The following LECT2 variants were observed in gnomAD, a reference collection of about 807,000 sequenced individuals.
LECT2 encodes the protein leukocyte cell-derived chemotaxin-2.
Under a neutral mutation model 16.6 loss-of-function variants are expected in LECT2, and 11 were observed. The ratio of observed to expected loss-of-function variants is 0.66; its 90% CI spans 0.42 to 1.09. LECT2 has a LOEUF of 1.09. LECT2 is among the 50% of genes least tolerant of loss of function. LECT2 has a pLI of 0.00. For missense variants in LECT2, 173 were observed against 184.2 expected, an observed-to-expected ratio of 0.94 and a Z score of 0.35; for synonymous variants, 54 against 64.8, an observed-to-expected ratio of 0.83 and a Z score of 0.80.
intron 3 of LECT2, among the ~76,000 whole-genome samples, chr5:135,948,256 T>C (rs1265104772): frequency 2.6e-5 from 4 of 152,188 alleles, no homozygotes; most frequent in Admixed American, 2.6e-4. Flanking sequence ...GTTACAACTA[T>C]CCATGCACTA....
At chr5:135,950,763 G>T (rs73290933) in intron 3 of LECT2, 1,780 of 169,642 alleles carry the variant, frequency 0.01, 37 homozygotes, top group African/African-American at 0.039. Flanking sequence ...GGTTAGCATT[G>T]CTGAAAGTGG....
At chr5:135,954,343 A>G (rs558781103) in intron 1 of LECT2, among the ~76,000 whole-genome samples, 1 of 152,240 alleles carries the variant, frequency 6.6e-6, no homozygotes, top group Non-Finnish European at 1.5e-5. Context: ...TGAGGCAAAT[A>G]TCAGACAGTG....
At chr5:135,949,818 C>T (rs1032498984) in intron 3 of LECT2, among the ~76,000 whole-genome samples, 21 of 152,190 alleles carry the variant, frequency 1.4e-4, no homozygotes, top group African/African-American at 4.6e-4. Flanking sequence ...GGAGCATTTC[C>T]ATTCATACAA....
chr5:135,954,813 G>A lies in LECT2; in HGVS notation c.21C>T (p.Leu7=). Residue 7 remains leucine, a synonymous_variant, in exon 1 of 4, where the codon CTC becomes CTT. Coordinates refer to ENST00000274507, the MANE Select transcript of LECT2 (RefSeq NM_002302.3). The part of the protein sequence containing the change: MFSTKA[L]LLAGLISTAL... ...CGGTAGAAATCAGACCAGCCAAAAGGAGGGCTTTGGTGGAAAACATCTGGT... is the reference window on the plus strand; with the variant it reads ...CGGTAGAAATCAGACCAGCCAAAAGAAGGGCTTTGGTGGAAAACATCTGGT... 11 of 1,613,242 alleles carry A rather than the reference G, an allele frequency of 6.8e-6. No individual in the cohort carries two copies. The highest frequency in any genetic ancestry group is 9.3e-6 in the Non-Finnish European group (11 of 1,179,298).
chr5:135,953,602 T>G (rs1185893399), intron 1 of LECT2, among the ~76,000 whole-genome samples: 1 of 152,232 alleles, frequency 6.6e-6, no homozygotes, highest in African/African-American at 2.4e-5. Context: ...TTGCTCATTA[T>G]CTGCCATGGG....
At position 135,952,924 on chromosome 5, in the gene LECT2, G is replaced by A. The variant is rs750166621; in HGVS notation, c.90C>T (p.Ser30=). The change falls in exon 2 of 4, where the codon TCC becomes TCT. Residue 30 remains serine, a synonymous_variant. Transcript: ENST00000274507. ...PWANICAGKS[S]NEIRTCDRHG... Reference sequence around the variant, plus strand: ...GGCGGTCACACGTCCGGATCTCATTGGAAGACTTGCCAGCACATATATTAG... The same window carrying A: ...GGCGGTCACACGTCCGGATCTCATTAGAAGACTTGCCAGCACATATATTAG... 1.2e-6 allele frequency: 2 copies of A among 1,614,100 alleles called. No homozygotes were observed. Among genetic ancestry groups the A allele is most frequent in the South Asian group, 2.2e-5 (2 of 91,078 alleles).
chr5:135,947,571 G>T, intron 3 of LECT2, 74 bp from the exon 4 acceptor site: 1 of 1,350,916 alleles, frequency 7.4e-7, no homozygotes, highest in Non-Finnish European at 9.7e-7. Flanking sequence ...AATAACAAAT[G>T]GACAAAAAAT....
At chr5:135,952,995 C>A in intron 1 of LECT2, 28 bp from the exon 2 acceptor site, 4 of 1,488,874 alleles carry the variant, frequency 2.7e-6, no homozygotes, top group Non-Finnish European at 3.8e-6. Flanking sequence ...GAGAGCAGAG[C>A]TCCTGGCCTC....
chr5:135,953,262 C>T (rs1243240468), intron 1 of LECT2: 4 of 287,702 alleles, frequency 1.4e-5, no homozygotes, highest in South Asian at 3.9e-5. Flanking sequence ...AGCACAGTGG[C>T]GTGATCTCAG....
chr5:135,948,761 G>A (rs1487551309), intron 3 of LECT2, among the ~76,000 whole-genome samples: 6 of 151,242 alleles, frequency 4.0e-5, no homozygotes, highest in African/African-American at 4.9e-5. Context: ...TGCAGGCTCC[G>A]CCTCCCGGGT....
chr5:135,948,863 G>C (rs1763743266), intron 3 of LECT2, among the ~76,000 whole-genome samples: 1 of 151,976 alleles, frequency 6.6e-6, no homozygotes, highest in Non-Finnish European at 1.5e-5. Flanking sequence ...TTTTAGTAGA[G>C]ACGGGGTTTC....
chr5:135,946,973 C>T lies in LECT2; in HGVS notation c.*358G>A, dbSNP rs1169561236. 3 of 156,564 alleles carry T rather than the reference C, an allele frequency of 1.9e-5. No individual in the cohort carries two copies. Among genetic ancestry groups the T allele is most frequent in the Non-Finnish European group, 4.2e-5 (3 of 71,054 alleles). The allele number at this position is 156,564 out of a possible 1,614,324, so 9.7% of individuals were successfully genotyped here. A position where few individuals can be genotyped will look rare whatever the true frequency, so the allele number is the denominator to read the frequency against. On this transcript the variant is annotated 3_prime_UTR_variant, in exon 4 of 4. Coordinates refer to ENST00000274507, the MANE Select transcript of LECT2 (RefSeq NM_002302.3). The stretch of plus-strand genomic sequence containing the variant: ...GAGAAATCTAAAAAATAAAACCACT[C>T]AGATTCCATAGGTGACAGATCAAAG...
At chr5:135,954,012 A>G (rs963098571) in intron 1 of LECT2, among the ~76,000 whole-genome samples, 2 of 152,248 alleles carry the variant, frequency 1.3e-5, no homozygotes, top group South Asian at 2.1e-4. Context: ...TAAATGTTCA[A>G]TGGAATTAAA....
chr5:135,951,927 G>A (rs1246604457), intron 2 of LECT2, among the ~76,000 whole-genome samples: 2 of 152,126 alleles, frequency 1.3e-5, no homozygotes, highest in Admixed American at 6.5e-5. Context: ...CCTTGAGTTC[G>A]TCTTAGCAAC....
chr5:135,950,799 A>G (rs576076399), intron 3 of LECT2: 5 of 206,070 alleles, frequency 2.4e-5, no homozygotes, highest in Non-Finnish European at 4.8e-5. Context: ...GTTAAGCAAA[A>G]CCACATGGGC....
At chr5:135,949,333 A>T (rs888386684) in intron 3 of LECT2, among the ~76,000 whole-genome samples, 9 of 152,248 alleles carry the variant, frequency 5.9e-5, no homozygotes, top group African/African-American at 2.2e-4. Flanking sequence ...TTGCCAAGGC[A>T]GTCTGAAAGA....
At position 135,951,234 on chromosome 5, in the gene LECT2, A is replaced by G. The variant is rs1257710155; in HGVS notation, c.278T>C (p.Ile93Thr). Residue 93 changes from isoleucine (I) to threonine (T), a missense_variant, in exon 3 of 4, where the codon ATA becomes ACA. Transcript: ENST00000274507. ...TCCACCTCTCTTACCTCTTCCAGAT[A>G]TTCGAACACCATTATTGATAGCATT... ...NKNAINNGVRISGRGFCVKMF... is the reference protein window; with the variant it reads ...NKNAINNGVRTSGRGFCVKMF... 1.9e-6 allele frequency: 3 copies of G among 1,614,224 alleles called. No homozygotes were observed. The highest frequency in any genetic ancestry group is 1.1e-5 in the South Asian group (1 of 91,084).
At chr5:135,949,657 G>A (rs983983512) in intron 3 of LECT2, among the ~76,000 whole-genome samples, 2 of 152,196 alleles carry the variant, frequency 1.3e-5, no homozygotes, top group African/African-American at 4.8e-5. Context: ...ATAAATGTTT[G>A]GCTGCGTAGC....
In LECT2 at chr5:135,952,868, T is replaced by A. The variant is rs767553729; in HGVS notation, c.143+3A>T. On this transcript the variant is annotated splice_donor_region_variant and intron_variant, in intron 2 of 3. Coordinates refer to ENST00000274507, the MANE Select transcript of LECT2 (RefSeq NM_002302.3). ...TTGGGTGGGTGGTTGTGCAACTTCA[T>A]ACCTTTGAGCAGAGTACTGTCCACA... The A allele has an allele frequency of 1.3e-5, 21 of 1,608,476 alleles. No homozygotes were observed. The highest frequency in any genetic ancestry group is 1.7e-5 in the Non-Finnish European group (20 of 1,175,088).
Sources: gnomAD v4.1 joint callset for allele counts (sites outside exome capture counted in the v4.1 genomes callset) on GRCh38, gnomAD v4.1.1 for gene constraint, MANE v1.5 for transcripts, NCBI Gene and HGNC (gene_info 2026-07-23, HGNC 2026-07-21) for gene names.